The following KCNMA1 variants were observed in gnomAD, a reference collection of about 807,000 sequenced individuals.
KCNMA1 encodes potassium calcium-activated channel subfamily M alpha 1, also known as Calcium-activated potassium channel subunit alpha-1.
Under a neutral mutation model 140.0 loss-of-function variants are expected in KCNMA1, and 29 were observed. The observed-to-expected ratio is 0.21, with a 90% CI of 0.15 to 0.28. The LOEUF (loss-of-function observed/expected upper bound fraction) is 0.28. Ranked by LOEUF, KCNMA1 falls within the 10% of genes least tolerant of loss-of-function variation. The pLI is 1.00. For missense variants in KCNMA1, 880 were observed against 1,602.2 expected (o/e 0.55, Z 7.70); for synonymous variants, 612 against 611.9 (o/e 1.00, Z 0.00).
chr10:77,424,080 T>C (rs1603586489), intron 1 of KCNMA1, among the ~76,000 whole-genome samples: 1 of 152,352 alleles, frequency 6.6e-6, no homozygotes, highest in East Asian at 1.9e-4. Flanking sequence ...CAGGTTTGCA[T>C]ATTGGCCTTG....
intron 1 of KCNMA1, among the ~76,000 whole-genome samples, chr10:77,568,200 T>C (rs1022441518): frequency 5.4e-4 from 82 of 152,118 alleles, no homozygotes; most frequent in Admixed American, 2.1e-3. Context: ...TTCCAATCAA[T>C]AGAAAAAGAG....
intron 2 of KCNMA1, among the ~76,000 whole-genome samples, chr10:77,338,407 C>A (rs1193367033): frequency 6.6e-6 from 1 of 152,174 alleles, no homozygotes; most frequent in Non-Finnish European, 1.5e-5. Context: ...GGGGCTTTTT[C>A]TCTTTGCCCG....
chr10:77,393,656 G>C (rs1369845356), intron 2 of KCNMA1, among the ~76,000 whole-genome samples: 1 of 152,218 alleles, frequency 6.6e-6, no homozygotes, highest in Non-Finnish European at 1.5e-5. Context: ...TTCCCAAGAT[G>C]GGTGTCCCAG....
chr10:76,994,087 A>C (rs1388853012), intron 19 of KCNMA1, among the ~76,000 whole-genome samples: 1 of 152,156 alleles, frequency 6.6e-6, no homozygotes, highest in African/African-American at 2.4e-5. Context: ...TTGAAATCCC[A>C]GCTCCACCAG....
chr10:77,444,419 G>A (rs2097481489), intron 1 of KCNMA1, among the ~76,000 whole-genome samples: 2 of 152,218 alleles, frequency 1.3e-5, no homozygotes, highest in South Asian at 4.1e-4. Flanking sequence ...AGCTGTAGCA[G>A]CCAGATGAAG....
chr10:76,874,712 C>T (rs1260255691), downstream of KCNMA1: 1 of 152,116 alleles, frequency 6.6e-6, no homozygotes, highest in Non-Finnish European at 1.5e-5. Context: ...TGCCAGAACC[C>T]TTGGGAGGAA....
At chr10:77,542,860 C>T (rs1024068177) in intron 1 of KCNMA1, among the ~76,000 whole-genome samples, 2 of 152,144 alleles carry the variant, frequency 1.3e-5, no homozygotes, top group Non-Finnish European at 2.9e-5. Context: ...TTAGACTTCT[C>T]ACTAATTACT....
At chr10:77,166,569 G>C (rs1395685744) in intron 5 of KCNMA1, among the ~76,000 whole-genome samples, 1 of 151,776 alleles carries the variant, frequency 6.6e-6, no homozygotes, top group Non-Finnish European at 1.5e-5. Context: ...AGGAAGGGAA[G>C]GAAGAAGAAA....
intron 1 of KCNMA1, among the ~76,000 whole-genome samples, chr10:77,488,835 G>C (rs1210919078): frequency 1.3e-5 from 2 of 152,192 alleles, no homozygotes; most frequent in African/African-American, 4.8e-5. Context: ...CTCCAGACTT[G>C]GTTTTCCAGG....
chr10:77,279,748 GC>G (rs2067839669), intron 2 of KCNMA1, among the ~76,000 whole-genome samples: 1 of 152,070 alleles, frequency 6.6e-6, no homozygotes, highest in Non-Finnish European at 1.5e-5. Flanking sequence ...AAATCATGGG[GC>G]AGGTCTTTCC....
chr10:76,998,445 T>C (rs2085102654), intron 19 of KCNMA1, among the ~76,000 whole-genome samples: 1 of 152,108 alleles, frequency 6.6e-6, no homozygotes, highest in South Asian at 2.1e-4. Context: ...AGCTCCATAA[T>C]AGTATAATGA....
At chr10:77,558,654 A>T (rs1448604114) in intron 1 of KCNMA1, among the ~76,000 whole-genome samples, 1 of 152,194 alleles carries the variant, frequency 6.6e-6, no homozygotes, top group African/African-American at 2.4e-5. Flanking sequence ...TAGATAACAC[A>T]GATGCCCAGT....
downstream of KCNMA1, chr10:76,873,078 T>G (rs2031684138): frequency 6.6e-6 from 1 of 152,202 alleles, no homozygotes; most frequent in Non-Finnish European, 1.5e-5. Flanking sequence ...TTCCAACTGT[T>G]GTAGGGCTAA....
intron 19 of KCNMA1, among the ~76,000 whole-genome samples, chr10:76,983,008 A>G (rs2080045399): frequency 6.6e-6 from 1 of 152,198 alleles, no homozygotes; most frequent in Admixed American, 6.5e-5. Flanking sequence ...CAGCCAGGTA[A>G]ATTTACCCTG....
intron 19 of KCNMA1, among the ~76,000 whole-genome samples, chr10:76,986,809 T>C (rs1592840628): frequency 6.6e-6 from 1 of 152,116 alleles, no homozygotes; most frequent in Non-Finnish European, 1.5e-5. Context: ...CCGACTCAAA[T>C]ACCCAATGAC....
chr10:77,142,163 C>G (rs564001818), intron 5 of KCNMA1, among the ~76,000 whole-genome samples: 3 of 151,876 alleles, frequency 2.0e-5, no homozygotes, highest in Non-Finnish European at 4.4e-5. Flanking sequence ...GTCAGGAGAT[C>G]GAGACCATTC....
At chr10:77,116,762 G>A (rs1268357220) in intron 6 of KCNMA1, among the ~76,000 whole-genome samples, 1 of 152,016 alleles carries the variant, frequency 6.6e-6, no homozygotes, top group Non-Finnish European at 1.5e-5. Context: ...CTCTTCCCTG[G>A]ACTACTGCCT....
chr10:76,919,297 T>C (rs1007848851), intron 23 of KCNMA1, among the ~76,000 whole-genome samples: 7 of 152,152 alleles, frequency 4.6e-5, no homozygotes, highest in Admixed American at 1.3e-4. Flanking sequence ...TGTACCCCAA[T>C]ACCCCAATAA....
At chr10:77,228,595 T>G (rs538965357) in intron 3 of KCNMA1, among the ~76,000 whole-genome samples, 1 of 152,326 alleles carries the variant, frequency 6.6e-6, no homozygotes, top group Admixed American at 6.5e-5. Context: ...CAAAGGTTAG[T>G]TTCTCTGCTA....
Sources: gnomAD v4.1 joint callset for allele counts (sites outside exome capture counted in the v4.1 genomes callset) on GRCh38, gnomAD v4.1.1 for gene constraint, MANE v1.5 for transcripts, NCBI Gene and HGNC (gene_info 2026-07-23, HGNC 2026-07-21) for gene names.